NAALADL2: variants seen among roughly 807,000 people sequenced by gnomAD.
NAALADL2 encodes inactive N-acetylated-alpha-linked acidic dipeptidase-like protein 2.
In NAALADL2, 76 loss-of-function variants were observed where a neutral mutation model predicts 87.2. The ratio of observed to expected loss-of-function variants is 0.87; its 90% CI spans 0.72 to 1.05. NAALADL2 has a LOEUF of 1.05. Ranked by LOEUF, NAALADL2 falls within the 50% of genes least tolerant of loss-of-function variation. The pLI, the probability that NAALADL2 is intolerant of heterozygous loss-of-function variation, is 0.00. For missense variants in NAALADL2, 1,089 were observed against 945.8 expected, an observed-to-expected ratio of 1.15 and a Z score of -1.99; for synonymous variants, 354 against 331.0, an observed-to-expected ratio of 1.07 and a Z score of -0.75.
chr3:175,699,333 A>G (rs1243491517), intron 11 of NAALADL2, among the ~76,000 whole-genome samples: 1 of 152,006 alleles, frequency 6.6e-6, no homozygotes, highest in Non-Finnish European at 1.5e-5. Flanking sequence ...TATTATCCAT[A>G]TAGATGACAG....
At chr3:175,188,419 G>A (rs189082428) in intron 2 of NAALADL2, among the ~76,000 whole-genome samples, 3 of 152,100 alleles carry the variant, frequency 2.0e-5, no homozygotes, top group Admixed American at 6.6e-5. Context: ...CAAAGCAGGG[G>A]AGTCATGACC....
intron 1 of NAALADL2, among the ~76,000 whole-genome samples, chr3:175,044,818 C>T (rs928995034): frequency 1.3e-5 from 2 of 152,026 alleles, no homozygotes; most frequent in Non-Finnish European, 2.9e-5. Flanking sequence ...GAGTCTTACT[C>T]AGTTGTTACT....
chr3:175,513,985 G>A (rs1731509430), intron 9 of NAALADL2, among the ~76,000 whole-genome samples: 2 of 152,144 alleles, frequency 1.3e-5, no homozygotes, highest in Admixed American at 1.3e-4. Context: ...CAACCACAGG[G>A]CAATCTACAT....
At chr3:175,060,889 A>G (rs1244124469) in intron 1 of NAALADL2, among the ~76,000 whole-genome samples, 2 of 152,154 alleles carry the variant, frequency 1.3e-5, no homozygotes, top group Non-Finnish European at 2.9e-5. Context: ...CTCTACTAAA[A>G]ATACAAAATT....
At chr3:175,694,894 C>A (rs1313238459) in intron 11 of NAALADL2, among the ~76,000 whole-genome samples, 1 of 151,936 alleles carries the variant, frequency 6.6e-6, no homozygotes, top group Non-Finnish European at 1.5e-5. Context: ...CCTTTCCCAG[C>A]AGTGTACCAG....
chr3:175,638,360 G>A (rs560658777), intron 11 of NAALADL2, among the ~76,000 whole-genome samples: 52 of 152,260 alleles, frequency 3.4e-4, no homozygotes, highest in South Asian at 1.2e-3. Flanking sequence ...TTCAAAGATA[G>A]AAGACTCAGA....
intron 2 of NAALADL2, among the ~76,000 whole-genome samples, chr3:174,568,273 A>G (rs1159677933): frequency 6.6e-6 from 1 of 151,852 alleles, no homozygotes; most frequent in African/African-American, 2.4e-5. Flanking sequence ...AAAGATCACC[A>G]TTACAGGTGA....
chr3:175,294,610 G>A (rs13059348), intron 4 of NAALADL2, among the ~76,000 whole-genome samples: 68,233 of 152,032 alleles, frequency 0.45, 16,265 homozygotes, highest in Non-Finnish European at 0.52. Flanking sequence ...CAGAGCCAAG[G>A]TTCAAGTCTA....
chr3:175,161,761 C>T (rs1733259677), intron 2 of NAALADL2, among the ~76,000 whole-genome samples: 1 of 152,002 alleles, frequency 6.6e-6, no homozygotes, highest in Admixed American at 6.6e-5. Context: ...TTCTTATAGT[C>T]TAATTATACA....
chr3:175,656,723 GTGTGTGTGTGTGTGTA>G (rs1373510292), intron 11 of NAALADL2, among the ~76,000 whole-genome samples: 2 of 148,732 alleles, frequency 1.3e-5, no homozygotes, highest in East Asian at 3.9e-4. Flanking sequence ...GTGTGTGTAT[GTGTGTGTGTGTGTGTA>G]TGTGTGTGTG....
intron 1 of NAALADL2, among the ~76,000 whole-genome samples, chr3:175,072,580 A>G (rs937685913): frequency 1.3e-4 from 20 of 150,954 alleles, no homozygotes; most frequent in African/African-American, 4.4e-4. Flanking sequence ...ATCCATCTTG[A>G]ACAGACATTA....
intron 2 of NAALADL2, among the ~76,000 whole-genome samples, chr3:174,622,858 G>A (rs1560099791): frequency 6.6e-6 from 1 of 151,984 alleles, no homozygotes; most frequent in African/African-American, 2.4e-5. Context: ...GGCTAACTTG[G>A]TGAAACCCCG....
At chr3:174,987,985 A>ATAT (rs1273464025) in intron 1 of NAALADL2, among the ~76,000 whole-genome samples, 11 of 151,518 alleles carry the variant, frequency 7.3e-5, no homozygotes, top group Non-Finnish European at 1.3e-4. Context: ...AATTTTTTAG[A>ATAT]CCATAGCAAT....
intron 3 of NAALADL2, among the ~76,000 whole-genome samples, chr3:174,786,323 C>T (rs369409782): frequency 1.7e-4 from 26 of 151,506 alleles, no homozygotes; most frequent in African/African-American, 5.8e-4. Context: ...TGGTGGCATG[C>T]GCTTGTAGTC....
At chr3:174,779,553 C>T (rs1710267) in intron 3 of NAALADL2, among the ~76,000 whole-genome samples, 44,789 of 151,924 alleles carry the variant, frequency 0.29, 6,648 homozygotes, top group Middle Eastern at 0.34. Flanking sequence ...TTTGCCTATG[C>T]CTATGTCCTG....
intron 13 of NAALADL2, among the ~76,000 whole-genome samples, chr3:175,791,567 CTG>C (rs1560019930): frequency 1.3e-5 from 2 of 152,152 alleles, no homozygotes; most frequent in African/African-American, 4.8e-5. Flanking sequence ...GGCAGCAAGA[CTG>C]TCATGACAGA....
At chr3:174,872,009 G>A (rs1337360265) in intron 1 of NAALADL2, among the ~76,000 whole-genome samples, 1 of 152,146 alleles carries the variant, frequency 6.6e-6, no homozygotes, top group South Asian at 2.1e-4. Flanking sequence ...GGGAGCCGAA[G>A]CAGGAAATCT....
chr3:174,699,604 A>G (rs1203455272), intron 2 of NAALADL2, among the ~76,000 whole-genome samples: 1 of 152,020 alleles, frequency 6.6e-6, no homozygotes, highest in Admixed American at 6.6e-5. Context: ...CTTCCTGTTA[A>G]TTTTTGATAA....
chr3:175,573,853 G>A (rs73169489), intron 9 of NAALADL2, among the ~76,000 whole-genome samples: 2,923 of 151,970 alleles, frequency 0.019, 33 homozygotes, highest in Middle Eastern at 0.051. Flanking sequence ...AAAGGATTAA[G>A]TTGCTACTGA....
Sources: gnomAD v4.1 joint callset for allele counts (sites outside exome capture counted in the v4.1 genomes callset) on GRCh38, gnomAD v4.1.1 for gene constraint, MANE v1.5 for transcripts, NCBI Gene and HGNC (gene_info 2026-07-23, HGNC 2026-07-21) for gene names.